The following CENPF variants were observed in gnomAD, a reference collection of about 807,000 sequenced individuals.
CENPF encodes centromere protein F.
A neutral mutation model predicts 307.3 loss-of-function variants in CENPF; 214 were observed. That is an observed-to-expected ratio of 0.70 (90% CI 0.62 to 0.78). The LOEUF is 0.78. Among genes scored for constraint, CENPF ranks in the 30% least tolerant of loss-of-function variants. The probability of loss-of-function intolerance (pLI) is 0.00; values close to 1 mark genes in which losing one functional copy is unlikely to be tolerated. For missense variants in CENPF, 3,401 were observed against 3,483.9 expected (o/e 0.98, Z 0.60); for synonymous variants, 1,259 against 1,270.6 (o/e 0.99, Z 0.19).
In CENPF at chr1:214,644,761, T is replaced by A; in HGVS notation, c.5191T>A (p.Tyr1731Asn). The A allele has an allele frequency of 6.2e-7, 1 of 1,613,810 alleles. No individual in the cohort carries two copies. The highest frequency in any genetic ancestry group is 2.2e-5 in the East Asian group (1 of 44,848). ...CSGEQSPDTN[Y>N]EPPGEDKTQG... is the part of the protein sequence containing the mutation. ...TGGGGAACAGTCCCCAGATACCAAT[T>A]ATGAGCCTCCAGGGGAAGATAAAAC... Residue 1731 changes from tyrosine to asparagine, a missense_variant, in exon 13 of 20, where the codon TAT (tyrosine) becomes AAT (asparagine). By Grantham distance (143) the Tyr-to-Asn change is moderately radical. Transcript: ENST00000366955.
At chr1:214,632,187 T>A (rs1449723648) in intron 9 of CENPF, among the ~76,000 whole-genome samples, 1 of 152,202 alleles carries the variant, frequency 6.6e-6, no homozygotes, top group Non-Finnish European at 1.5e-5. Context: ...TATTTTCCTT[T>A]TGGTTATTTA....
chr1:214,629,972 A>G (rs566231249), intron 8 of CENPF, among the ~76,000 whole-genome samples: 17 of 152,284 alleles, frequency 1.1e-4, no homozygotes, highest in South Asian at 8.3e-4. Context: ...GTATCTGCCA[A>G]TTTGGTTCTT....
chr1:214,644,131 G>A (rs148355348), intron 12 of CENPF, among the ~76,000 whole-genome samples: 2,119 of 152,292 alleles, frequency 0.014, 20 homozygotes, highest in South Asian at 0.037. Flanking sequence ...CTTGGACTGG[G>A]AATCTGGTTA....
chr1:214,620,593 A>C, intron 5 of CENPF, 62 bp from the exon 6 acceptor site: 1 of 1,491,580 alleles, frequency 6.7e-7, no homozygotes, highest in Non-Finnish European at 9.0e-7. Context: ...TTCTATCTGA[A>C]AATAAATAGC....
At position 214,645,361 on chromosome 1, in the gene CENPF, G is replaced by GTT; in HGVS notation, c.5791_5792insTT (p.Glu1931ValfsTer6). 1.9e-6 allele frequency: 3 copies of GTT among 1,614,128 alleles called. No homozygotes were observed. Among genetic ancestry groups the GTT allele is most frequent in the Non-Finnish European group, 1.7e-6 (2 of 1,180,014 alleles). ...GGCTGACTTAGAGGTAGTTCAAACA[G>GTT]AGAAGCTATGTTTAGAAAAAGACAA... On this transcript the variant is annotated frameshift_variant, in exon 13 of 20. Coordinates refer to ENST00000366955, the MANE Select transcript of CENPF (RefSeq NM_016343.4). LOFTEE classifies it high-confidence loss of function.
chr1:214,637,175 C>T (rs1657985821), intron 10 of CENPF, among the ~76,000 whole-genome samples: 1 of 152,158 alleles, frequency 6.6e-6, no homozygotes, highest in Non-Finnish European at 1.5e-5. Context: ...CCTCTGTGTT[C>T]CAGCCCTCTG....
At chr1:214,615,459 G>A (rs1005059562) in intron 3 of CENPF, among the ~76,000 whole-genome samples, 4 of 152,038 alleles carry the variant, frequency 2.6e-5, no homozygotes, top group African/African-American at 9.7e-5. Flanking sequence ...AGCTGTTACC[G>A]AAAAGATGGA....
rs949582444 is a variant in CENPF, at chr1:214,628,350, C to T, written c.1069-696C>T. Among the ~76,000 whole-genome samples the T allele has an allele frequency of 4.6e-5, 7 of 151,498 alleles. No individual in the cohort carries two copies. In the East Asian group the frequency reaches 7.7e-4, roughly 17 times the overall value. On this transcript the variant is annotated intron_variant, in intron 7 of 19. Transcript: ENST00000366955. ...GAAGGAGTGCCAGTAGAGGGCGCCA[C>T]GGGTTCATTTCATTTACTCTGTGGT...
At chr1:214,616,829 TC>T (rs1657351469) in intron 3 of CENPF, among the ~76,000 whole-genome samples, 3 of 149,484 alleles carry the variant, frequency 2.0e-5, no homozygotes, top group Admixed American at 6.6e-5. Flanking sequence ...CTTCTTTCCT[TC>T]CTTCCTCTTT....
Position 214,650,570 on chromosome 1 carries a change from T to A in CENPF, c.7984-1140T>A, listed in dbSNP as rs533580378. Among the ~76,000 whole-genome samples, 33 of 151,482 alleles carry A rather than the reference T, an allele frequency of 2.2e-4. 1 individual carries two copies. The South Asian group carries it at 6.7e-3, about 31-fold the overall frequency. On this transcript the variant is annotated intron_variant, in intron 14 of 19. Transcript: ENST00000366955. ...TTGATAAGGCAAACACCCAGGGGGG[T>A]CTCATGTTCTGGAAATCAAGAGGAA... is the stretch of plus-strand genomic sequence containing the variant.
intron 1 of CENPF, chr1:214,608,368 G>T: frequency 6.2e-7 from 1 of 1,612,830 alleles, no homozygotes; most frequent in Non-Finnish European, 8.5e-7. Flanking sequence ...GTTCCTCTCG[G>T]AAGGCCTACC....
At position 214,657,317 on chromosome 1, in the gene CENPF, G is replaced by A; in HGVS notation, c.8870G>A (p.Ser2957Asn). 6.2e-7 allele frequency: 1 copy of A among 1,613,962 alleles called. No individual in the cohort carries two copies. The highest frequency in any genetic ancestry group is 8.5e-7 in the Non-Finnish European group (1 of 1,180,016). ...PATPESFSKK[S>N]KKAVMSGIHP... ...ACCCCAGAGAGCTTTTCTAAAAAAA[G>A]CAAGAAAGCAGTCATGAGTGGTATT... Residue 2957 changes from serine (S) to asparagine (N), a missense_variant, in exon 18 of 20, where the codon AGC becomes AAC. Ser to Asn is a conservative substitution (Grantham distance 46, BLOSUM62 1). Transcript: ENST00000366955.
rs1553289139 is a variant in CENPF at position 214,642,127 on chromosome 1, C to G, written c.3789C>G (p.Asp1263Glu). Residue 1263 changes from aspartate (D) to glutamate (E), a missense_variant, in exon 12 of 20, where the codon GAC becomes GAG. By Grantham distance (45) the Asp-to-Glu change is conservative. Transcript: ENST00000366955. ...MQSQEISGLK[D>E]CEIDAEEKYI... ...CACAAGAAATTAGTGGCCTTAAAGA[C>G]TGTGAAATAGATGCGGAAGAAAAGT... is the stretch of plus-strand genomic sequence containing the variant. The G allele has an allele frequency of 6.2e-7, 1 of 1,613,718 alleles. No homozygotes were observed. Among genetic ancestry groups the G allele is most frequent in the Admixed American group, 1.7e-5 (1 of 59,952 alleles).
chr1:214,622,106 A>C lies in CENPF; in HGVS notation c.893A>C (p.Glu298Ala). The stretch of plus-strand genomic sequence containing the variant: ...CTAAGAAACAAGATTAATGAGTTGG[A>C]ACTACGCCTGCAAGGACATGAAAAA... The part of the protein sequence containing the change: ...QELRNKINEL[E>A]LRLQGHEKEM... Residue 298 changes from glutamate (E) to alanine (A), a missense_variant, in exon 7 of 20, where the codon GAA (glutamate) becomes GCA (alanine). By Grantham distance (107) the Glu-to-Ala change is moderately radical. Transcript: ENST00000366955. 1 of 1,614,054 alleles carries C rather than the reference A, an allele frequency of 6.2e-7. No homozygotes were observed. The highest frequency in any genetic ancestry group is 1.1e-5 in the South Asian group (1 of 91,058).
At chr1:214,621,758 A>G (rs1353153838) in intron 6 of CENPF, among the ~76,000 whole-genome samples, 1 of 152,216 alleles carries the variant, frequency 6.6e-6, no homozygotes, top group Non-Finnish European at 1.5e-5. Context: ...GGTAATTTTA[A>G]CAAAGGGTGT....
intron 8 of CENPF, among the ~76,000 whole-genome samples, chr1:214,630,016 A>G (rs1657761340): frequency 1.3e-5 from 2 of 152,170 alleles, no homozygotes; most frequent in African/African-American, 2.4e-5. Context: ...TACCATACGG[A>G]TTAAGAGTCT....
In CENPF at chr1:214,651,904, G is replaced by C; in HGVS notation, c.8160+18G>C. 6.3e-7 allele frequency: 1 copy of C among 1,578,238 alleles called. No individual in the cohort carries two copies. The highest frequency in any genetic ancestry group is 8.6e-7 in the Non-Finnish European group (1 of 1,167,462). On this transcript the variant is annotated intron_variant, in intron 15 of 19. Transcript: ENST00000366955. ...ACAAACAGGTGAAATGTGGGGTTTG[G>C]TTACTGGGGGAGCTGGAGAGTGTAT...
intron 1 of CENPF, chr1:214,605,953 C>G (rs1229504862): frequency 3.8e-6 from 6 of 1,597,212 alleles, no homozygotes; most frequent in Non-Finnish European, 5.1e-6. Context: ...AGGCGACGCG[C>G]ATGCCCGAGG....
intron 1 of CENPF, chr1:214,608,723 C>T (rs1657110419): frequency 2.5e-6 from 4 of 1,597,058 alleles, no homozygotes; most frequent in East Asian, 2.2e-5. Flanking sequence ...GGCTCGGGCT[C>T]AGTCACCAAG....
Sources: allele counts gnomAD v4.1 joint callset (sites outside exome capture counted in the v4.1 genomes callset), GRCh38; gene constraint gnomAD v4.1.1; transcripts MANE v1.5; gene names NCBI Gene and HGNC (gene_info 2026-07-23, HGNC 2026-07-21).